Variants in PLEKHA8 observed in about 807,000 individuals in gnomAD.
PLEKHA8 encodes the protein pleckstrin homology domain-containing family A member 8.
PLEKHA8 carries 36 observed loss-of-function variants against 68.2 expected under a neutral mutation model. The ratio of observed to expected loss-of-function variants is 0.53; its 90% CI spans 0.40 to 0.70. The LOEUF is 0.70. PLEKHA8 is among the 30% of genes least tolerant of loss of function. The pLI is 0.00. For missense variants in PLEKHA8, 505 were observed against 615.4 expected, an observed-to-expected ratio of 0.82 and a Z score of 1.90; for synonymous variants, 211 against 216.1, an observed-to-expected ratio of 0.98 and a Z score of 0.20.
intron 13 of PLEKHA8, among the ~76,000 whole-genome samples, chr7:30,121,781 G>C (rs540669775): frequency 6.6e-6 from 1 of 152,186 alleles, no homozygotes; most frequent in Admixed American, 6.5e-5. Context: ...AATAAGCAGG[G>C]TCAAAGATCC....
At chr7:30,061,149 T>C (rs942142546) in intron 10 of PLEKHA8, among the ~76,000 whole-genome samples, 7 of 152,130 alleles carry the variant, frequency 4.6e-5, no homozygotes, top group African/African-American at 1.7e-4. Context: ...TTATGGGGAG[T>C]AGAAGATTCA....
intron 1 of PLEKHA8, among the ~76,000 whole-genome samples, chr7:30,038,648 C>T (rs1056719305): frequency 3.9e-5 from 6 of 152,182 alleles, no homozygotes; most frequent in South Asian, 4.1e-4. Context: ...CAGAATTGTT[C>T]GCCAAATAAT....
Position 30,078,731 on chromosome 7 carries a change from G to T in PLEKHA8, c.1504G>T (p.Ala502Ser), listed in dbSNP as rs1015996001. The change falls in exon 14 of 14, where the codon GCC (alanine) becomes TCC (serine). Residue 502 changes from alanine to serine, a missense_variant. By Grantham distance (99) the Ala-to-Ser change is moderately conservative. Transcript: ENST00000449726. ...CCTCCCTGCCATGGAGAAGCAGCTG[G>T]CCATACTGGACACTTTATATGAGGT... is the stretch of plus-strand genomic sequence containing the variant. ...LYLPAMEKQL[A>S]ILDTLYEVHG... The T allele has an allele frequency of 6.2e-7, 1 of 1,613,828 alleles. No homozygotes were observed. The highest frequency in any genetic ancestry group is 8.5e-7 in the Non-Finnish European group (1 of 1,179,806).
intron 13 of PLEKHA8, among the ~76,000 whole-genome samples, chr7:30,116,215 T>A (rs115271218): frequency 1.3e-5 from 2 of 151,408 alleles, no homozygotes; most frequent in Non-Finnish European, 3.0e-5. Context: ...CATGTATACA[T>A]ATGTATATAC....
At chr7:30,098,461 T>A (rs576783778) in intron 13 of PLEKHA8, among the ~76,000 whole-genome samples, 135 of 152,374 alleles carry the variant, frequency 8.9e-4, no homozygotes, top group African/African-American at 3.1e-3. Context: ...CCTTGAGCTG[T>A]GGTGGGCTCC....
chr7:30,032,398 G>A (rs761062436), intron 1 of PLEKHA8, among the ~76,000 whole-genome samples: 2 of 152,200 alleles, frequency 1.3e-5, no homozygotes, highest in African/African-American at 2.4e-5. Flanking sequence ...AAATTTATTA[G>A]TACTTACAAT....
intron 13 of PLEKHA8, among the ~76,000 whole-genome samples, chr7:30,115,622 A>G (rs919196964): frequency 1.3e-5 from 2 of 150,912 alleles, no homozygotes; most frequent in African/African-American, 4.9e-5. Flanking sequence ...ACATGCACAC[A>G]TACATGTACA....
At chr7:30,106,090 G>A (rs902922467) in intron 13 of PLEKHA8, among the ~76,000 whole-genome samples, 6 of 144,496 alleles carry the variant, frequency 4.2e-5, no homozygotes, top group Admixed American at 2.1e-4. Context: ...GTGGAGTCTC[G>A]CTCTGTTGCT....
intron 3 of PLEKHA8, among the ~76,000 whole-genome samples, chr7:30,047,116 C>T (rs1026113223): frequency 6.6e-6 from 1 of 152,166 alleles, no homozygotes; most frequent in Non-Finnish European, 1.5e-5. Flanking sequence ...GTGCTTAACT[C>T]TTCACGTAGA....
intron 12 of PLEKHA8, among the ~76,000 whole-genome samples, chr7:30,064,790 C>A (rs528744632): frequency 6.6e-6 from 1 of 152,202 alleles, no homozygotes; most frequent in Non-Finnish European, 1.5e-5. Context: ...AGAAAGACTT[C>A]TCCACCTGTT....
intron 6 of PLEKHA8, 84 bp from the exon 7 acceptor site, chr7:30,052,625 G>C: frequency 8.3e-7 from 1 of 1,203,030 alleles, no homozygotes; most frequent in Non-Finnish European, 1.1e-6. Context: ...GGGTGACAGA[G>C]TGGAGACCCT....
rs532359818 is a variant in PLEKHA8 at position 30,046,022 on chromosome 7, A to G, written c.158-188A>G. ...AATTGCAAGGTTTTCCCTCTTGATTAACAGAGACATCTAAGATGAGATAAG... is the reference window on the plus strand; with the variant it reads ...AATTGCAAGGTTTTCCCTCTTGATTGACAGAGACATCTAAGATGAGATAAG... On this transcript the variant is annotated intron_variant, in intron 2 of 13. Transcript: ENST00000449726. 9.2e-5 allele frequency among the ~76,000 whole-genome samples: 14 copies of G among 152,328 alleles called. No homozygotes were observed. The South Asian group carries it at 2.9e-3, about 32-fold the overall frequency.
Position 30,115,676 on chromosome 7 carries a change from A to G in PLEKHA8, c.1363-13590A>G, listed in dbSNP as rs550663411. Among the ~76,000 whole-genome samples the G allele has an allele frequency of 3.0e-3, 457 of 150,682 alleles. 5 individuals are homozygous for G. Among genetic ancestry groups the G allele is most frequent in the African/African-American group, 0.011 (431 of 40,722 alleles). On this transcript the variant is annotated intron_variant, in intron 13 of 13. Coordinates refer to the PLEKHA8 transcript ENST00000396257. ...CACATACATGTATACGTGTATACATACGCACATACATGCATACACGTATAC... is the reference window on the plus strand; with the variant it reads ...CACATACATGTATACGTGTATACATGCGCACATACATGCATACACGTATAC...
chr7:30,081,991 T>C lies in PLEKHA8; in HGVS notation c.*3204T>C. The C allele has an allele frequency of 4.3e-6, 4 of 937,562 alleles. No homozygotes were observed. Among genetic ancestry groups the C allele is most frequent in the Non-Finnish European group, 5.1e-6 (4 of 786,672 alleles). The allele number at this position is 937,562 out of a possible 1,614,324, so 58.1% of individuals were successfully genotyped here. A position where few individuals can be genotyped will look rare whatever the true frequency, so the allele number is the denominator to read the frequency against. The stretch of plus-strand genomic sequence containing the variant: ...AAATTGGAGAGATCCCTTTTGGGAG[T>C]GAAACCAAATTGTAACTATGAGGAG... On this transcript the variant is annotated 3_prime_UTR_variant, in exon 14 of 14. Transcript: ENST00000449726.
At chr7:30,054,599 G>A (rs1792679263) in intron 7 of PLEKHA8, 110 bp from the exon 8 acceptor site, 2 of 739,954 alleles carry the variant, frequency 2.7e-6, no homozygotes, top group Admixed American at 8.3e-5. Flanking sequence ...AGTGTTTCAT[G>A]AATTTTTATT....
At position 30,055,270 on chromosome 7, in the gene PLEKHA8, G is replaced by C; in HGVS notation, c.967G>C (p.Glu323Gln). ...STMNTSFSDI[E>Q]LLEDSGIPTE... ...CAAATTATGTAGCTTTAGTGACATTGAACTTCTGGAAGACAGTGGCATTCC... is the reference window on the plus strand; with the variant it reads ...CAAATTATGTAGCTTTAGTGACATTCAACTTCTGGAAGACAGTGGCATTCC... The change falls in exon 9 of 14, where the codon GAA becomes CAA. Residue 323 changes from glutamate (E) to glutamine (Q), a missense_variant. Transcript: ENST00000449726. The C allele has an allele frequency of 6.2e-7, 1 of 1,614,034 alleles. No individual in the cohort carries two copies. The highest frequency in any genetic ancestry group is 1.7e-5 in the Admixed American group (1 of 60,024).
chr7:30,047,848 T>G lies in PLEKHA8; in HGVS notation c.330T>G (p.Thr110=), dbSNP rs376109352. 2.5e-6 allele frequency: 4 copies of G among 1,609,278 alleles called. No individual in the cohort carries two copies. The highest frequency in any genetic ancestry group is 2.2e-5 in the East Asian group (1 of 44,692). The part of the protein sequence containing the change: ...TQKEKEFAEN[T]ENLKTKMSEL... Reference sequence around the variant, plus strand: ...GTCATTTAGAGTTTGCTGAAAACACTGAAAACTTGAAAACCAAAATGTCAG... The same window carrying G: ...GTCATTTAGAGTTTGCTGAAAACACGGAAAACTTGAAAACCAAAATGTCAG... The change falls in exon 4 of 14, where the codon ACT becomes ACG. Residue 110 remains threonine, a synonymous_variant. Transcript: ENST00000449726.
chr7:30,117,717 T>A (rs1465667986), intron 13 of PLEKHA8, among the ~76,000 whole-genome samples: 1 of 151,884 alleles, frequency 6.6e-6, no homozygotes, highest in Non-Finnish European at 1.5e-5. Context: ...CAGAAAAAAA[T>A]TAAAATCTTT....
chr7:30,085,041 TTCAAGGGATTC>T, downstream of PLEKHA8, among the ~76,000 whole-genome samples: 1 of 151,884 alleles, frequency 6.6e-6, no homozygotes, highest in East Asian at 1.9e-4. Context: ...ACTTCCTGGG[TTCAAGGGATTC>T]TCATGCCTCA....
Sources: allele counts gnomAD v4.1 joint callset (sites outside exome capture counted in the v4.1 genomes callset), GRCh38; gene constraint gnomAD v4.1.1; transcripts MANE v1.5; gene names NCBI Gene and HGNC (gene_info 2026-07-23, HGNC 2026-07-21).